Variants in ACBD6 observed in about 807,000 individuals in gnomAD.
ACBD6 encodes the protein acyl-CoA binding domain containing 6.
ACBD6 carries 28 observed loss-of-function variants against 37.2 expected under a neutral mutation model. The ratio of observed to expected loss-of-function variants is 0.75; its 90% CI spans 0.56 to 1.03. The LOEUF (loss-of-function observed/expected upper bound fraction) is 1.03, where lower values mean the gene tolerates loss of function less well. Among genes scored for constraint, ACBD6 ranks in the 50% least tolerant of loss-of-function variants. The probability of loss-of-function intolerance (pLI) is 0.00; values close to 1 mark genes in which losing one functional copy is unlikely to be tolerated. For synonymous variants in ACBD6, 113 were observed against 126.8 expected, an observed-to-expected ratio of 0.89 and a Z score of 0.73; for missense variants, 340 against 337.4, an observed-to-expected ratio of 1.01 and a Z score of -0.06.
At chr1:180,270,780 CTGTT>C (rs1371791840) in exon 14 of ACBD6, 1 of 157,606 alleles carries the variant, frequency 6.3e-6, no homozygotes, top group Non-Finnish European at 1.4e-5. Context: ...ATCTGATTTC[CTGTT>C]TTAGTTTTGA....
intron 3 of ACBD6, among the ~76,000 whole-genome samples, chr1:180,431,639 G>A (rs536256917): frequency 6.6e-6 from 1 of 152,256 alleles, no homozygotes; most frequent in East Asian, 1.9e-4. Context: ...TGTACAAAGG[G>A]AGAACTTATT....
chr1:180,309,888 A>T (rs556437017), intron 7 of ACBD6, among the ~76,000 whole-genome samples: 5 of 151,782 alleles, frequency 3.3e-5, no homozygotes, highest in African/African-American at 1.2e-4. Context: ...GGTTTAGAAC[A>T]GCCAGCTCTT....
At chr1:180,376,395 A>G (rs1208543743) in intron 6 of ACBD6, among the ~76,000 whole-genome samples, 1 of 152,206 alleles carries the variant, frequency 6.6e-6, no homozygotes, top group Admixed American at 6.5e-5. Context: ...TAGTTGCAGC[A>G]CTGTTTGTAA....
In ACBD6 at chr1:180,502,047, G is replaced by A; in HGVS notation, c.220C>T (p.Gln74Ter). Residue 74 changes from glutamine (Q) to a stop codon, truncating the protein, a stop_gained and splice_region_variant, in exon 1 of 8, where the codon CAG becomes TAG. Transcript: ENST00000367595. LOFTEE classifies it high-confidence loss of function. ...QLLYLYARYK[Q>*]VKVGNCNTPK... ...CCACCCTCTCCCTGCTACTTTACCT[G>A]TTTGTACCTGGCATACAGGTACAAG... 1 of 1,613,404 alleles carries A rather than the reference G, an allele frequency of 6.2e-7. No individual in the cohort carries two copies. Among genetic ancestry groups the A allele is most frequent in the African/African-American group, 1.3e-5 (1 of 75,024 alleles).
At chr1:180,327,688 T>G (rs1651306640) in intron 6 of ACBD6, among the ~76,000 whole-genome samples, 1 of 152,192 alleles carries the variant, frequency 6.6e-6, no homozygotes, top group Admixed American at 6.5e-5. Flanking sequence ...CTTAAACCCT[T>G]TAGAAGAATG....
At chr1:180,305,579 A>G (rs1220661318) in intron 7 of ACBD6, among the ~76,000 whole-genome samples, 1 of 152,140 alleles carries the variant, frequency 6.6e-6, no homozygotes, top group East Asian at 1.9e-4. Flanking sequence ...TTAGAATGGC[A>G]ATCATTAAAA....
intron 7 of ACBD6, among the ~76,000 whole-genome samples, chr1:180,304,959 A>G (rs1260447408): frequency 6.6e-6 from 1 of 152,178 alleles, no homozygotes; most frequent in Non-Finnish European, 1.5e-5. Flanking sequence ...CATATCTATA[A>G]CCATCTGATC....
intron 6 of ACBD6, among the ~76,000 whole-genome samples, chr1:180,339,774 T>C (rs957216194): frequency 2.0e-5 from 3 of 151,586 alleles, no homozygotes; most frequent in Admixed American, 6.6e-5. Flanking sequence ...CTCGCCCTAA[T>C]TGGGAGAGGG....
At chr1:180,277,780 T>C (rs1649123187) in intron 9 of ACBD6, 2 of 151,550 alleles carry the variant, frequency 1.3e-5, no homozygotes, top group South Asian at 4.2e-4. Flanking sequence ...CTATCATTGA[T>C]AACACTGTTC....
At chr1:180,387,136 C>T (rs999236454) in intron 6 of ACBD6, among the ~76,000 whole-genome samples, 1 of 152,184 alleles carries the variant, frequency 6.6e-6, no homozygotes, top group South Asian at 2.1e-4. Flanking sequence ...GTCTGCCTTG[C>T]TTGTGTGCTA....
intron 4 of ACBD6, among the ~76,000 whole-genome samples, chr1:180,428,297 A>C (rs1305910426): frequency 6.6e-6 from 1 of 152,246 alleles, no homozygotes; most frequent in Non-Finnish European, 1.5e-5. Context: ...AAAATGCCAA[A>C]AGTAGTAAGA....
chr1:180,491,681 T>C (rs1039872399), intron 3 of ACBD6, among the ~76,000 whole-genome samples: 10 of 152,244 alleles, frequency 6.6e-5, no homozygotes, highest in Non-Finnish European at 1.3e-4. Context: ...TTTTCCAGCA[T>C]GATAATCTCA....
chr1:180,274,676 T>G lies in ACBD6; in HGVS notation c.*911A>C, dbSNP rs145063714. 0.015 allele frequency: 20,650 copies of G among 1,363,842 alleles called. 187 individuals carry two copies. The highest frequency in any genetic ancestry group is 0.018 in the Non-Finnish European group (18,009 of 1,010,332). 84.5% of individuals were successfully genotyped at this position (1,363,842 alleles called of 1,614,324 possible). On this transcript the variant is annotated 3_prime_UTR_variant, in exon 10 of 14. Transcript: ENST00000642319. ...CTTTTAAGGATCGAAAGTACGCCAA[T>G]GTGAATTTCCATTATTTTCAATGGA...
exon 14 of ACBD6, chr1:180,271,792 T>C: frequency 6.2e-7 from 1 of 1,607,970 alleles, no homozygotes; most frequent in African/African-American, 1.3e-5. Flanking sequence ...TTTGGGTTTG[T>C]GGTGGACGCC....
chr1:180,454,718 T>C (rs936499702), intron 3 of ACBD6, among the ~76,000 whole-genome samples: 23 of 152,122 alleles, frequency 1.5e-4, no homozygotes, highest in Admixed American at 3.9e-4. Flanking sequence ...AGGATATCAA[T>C]AGACACTTCT....
At chr1:180,300,358 A>G (rs1350130227) in intron 7 of ACBD6, among the ~76,000 whole-genome samples, 1 of 152,212 alleles carries the variant, frequency 6.6e-6, no homozygotes, top group African/African-American at 2.4e-5. Flanking sequence ...TGCCCAGCAG[A>G]TCCTCTGGCA....
At position 180,288,530 on chromosome 1, in the gene ACBD6, T is replaced by C. The variant is rs773414959; in HGVS notation, c.695-13A>G. The C allele has an allele frequency of 3.7e-6, 6 of 1,609,860 alleles. No individual in the cohort carries two copies. The highest frequency in any genetic ancestry group is 2.2e-5 in the South Asian group (2 of 90,448). ...TCACAGGCAGAGGCTGAAAGGAAAA[T>C]TGACAAATATGAAAACAAGTTTACC... On this transcript the variant is annotated splice_polypyrimidine_tract_variant and intron_variant, in intron 7 of 7. Coordinates refer to ENST00000367595, the MANE Select transcript of ACBD6 (RefSeq NM_032360.4).
intron 6 of ACBD6, among the ~76,000 whole-genome samples, chr1:180,364,235 C>T (rs1652956718): frequency 6.6e-6 from 1 of 152,208 alleles, no homozygotes; most frequent in African/African-American, 2.4e-5. Flanking sequence ...AAATAAGCTA[C>T]ACTTTAAGAG....
At chr1:180,335,179 C>T (rs1180248128) in intron 6 of ACBD6, among the ~76,000 whole-genome samples, 2 of 151,986 alleles carry the variant, frequency 1.3e-5, no homozygotes, top group Non-Finnish European at 2.9e-5. Flanking sequence ...AGATACTCCT[C>T]GAGAAGAACA....
Sources: allele counts gnomAD v4.1 joint callset (sites outside exome capture counted in the v4.1 genomes callset), GRCh38; gene constraint gnomAD v4.1.1; transcripts MANE v1.5; gene names NCBI Gene and HGNC (gene_info 2026-07-23, HGNC 2026-07-21).